The following DPP8 variants were observed in gnomAD, a reference collection of about 807,000 sequenced individuals.
DPP8 encodes the protein DPP VIII.
A neutral mutation model predicts 107.5 loss-of-function variants in DPP8; 31 were observed. That is an observed-to-expected ratio of 0.29 (90% CI 0.22 to 0.39). DPP8 has a LOEUF of 0.39. Among genes scored for constraint, DPP8 ranks in the 10% least tolerant of loss-of-function variants. The pLI is 1.00. For missense variants in DPP8, 842 were observed against 1,076.1 expected (o/e 0.78, Z 3.04); for synonymous variants, 381 against 356.6 (o/e 1.07, Z -0.77).
intron 5 of DPP8, among the ~76,000 whole-genome samples, chr15:65,492,644 A>G (rs2068156619): frequency 6.6e-6 from 1 of 152,064 alleles, no homozygotes; most frequent in South Asian, 2.1e-4. Flanking sequence ...CACCAAGGGT[A>G]GAGCGCAGGG....
rs1052230672 is a variant in DPP8 at position 65,445,353 on chromosome 15, G to C, written c.*1531C>G. The stretch of plus-strand genomic sequence containing the variant: ...TAACTTTCTAAACACTGAAGTGTGT[G>C]ATAAAAAGCATCAAACTCATAGATG... On this transcript the variant is annotated 3_prime_UTR_variant, in exon 20 of 20. Coordinates refer to ENST00000300141, the MANE Select transcript of DPP8 (RefSeq NM_130434.5). 6.6e-6 allele frequency: 1 copy of C among 152,222 alleles called. No homozygotes were observed. Among genetic ancestry groups the C allele is most frequent in the Non-Finnish European group, 1.5e-5 (1 of 68,034 alleles). 9.4% of individuals were successfully genotyped at this position (152,222 alleles called of 1,614,324 possible). A position where few individuals can be genotyped will look rare whatever the true frequency, so the allele number is the denominator to read the frequency against.
intron 12 of DPP8, among the ~76,000 whole-genome samples, chr15:65,467,717 G>C (rs1158314297): frequency 6.6e-6 from 1 of 152,106 alleles, no homozygotes; most frequent in Non-Finnish European, 1.5e-5. Context: ...TGCCCTGAAG[G>C]AAAAAGGACA....
At chr15:65,488,643 C>G (rs375606804) in intron 6 of DPP8, among the ~76,000 whole-genome samples, 4 of 115,502 alleles carry the variant, frequency 3.5e-5, no homozygotes, top group African/African-American at 1.3e-4. Context: ...AAAACAAAAA[C>G]AAAACAGCAT....
intron 16 of DPP8, 124 bp from the exon 17 acceptor site, chr15:65,454,539 T>C (rs2064240318): frequency 1.2e-6 from 1 of 860,246 alleles, no homozygotes; most frequent in African/African-American, 1.8e-5. Context: ...ATTTTATTTA[T>C]TTTTTGAGAT....
Position 65,487,828 on chromosome 15 carries a change from A to G in DPP8, c.827-10T>C. The G allele has an allele frequency of 6.7e-7, 1 of 1,497,692 alleles. No homozygotes were observed. The highest frequency in any genetic ancestry group is 9.2e-7 in the Non-Finnish European group (1 of 1,091,506). 92.8% of individuals were successfully genotyped at this position (1,497,692 alleles called of 1,614,324 possible). ...TTACCACCACTGGGAGCTTAAAAGA[A>G]ATTTAAATATTGAAAATTTAGAAGA... On this transcript the variant is annotated splice_polypyrimidine_tract_variant and intron_variant, in intron 6 of 19. Coordinates refer to ENST00000300141, the MANE Select transcript of DPP8 (RefSeq NM_130434.5).
intron 3 of DPP8, among the ~76,000 whole-genome samples, chr15:65,504,583 C>A (rs961728697): frequency 8.1e-5 from 12 of 148,232 alleles, no homozygotes; most frequent in African/African-American, 2.8e-4. Context: ...GCAGGAGAAT[C>A]GCTTGAACCT....
intron 4 of DPP8, among the ~76,000 whole-genome samples, chr15:65,498,279 G>T (rs1286364446): frequency 6.6e-6 from 1 of 152,070 alleles, no homozygotes; most frequent in Non-Finnish European, 1.5e-5. Flanking sequence ...AAAATTAGCT[G>T]GGCATAGTGG....
In DPP8 at chr15:65,443,929, T is replaced by TATTG. The variant is rs1291922042; in HGVS notation, c.*2954_*2955insCAAT. On this transcript the variant is annotated 3_prime_UTR_variant, in exon 20 of 20. Coordinates refer to ENST00000300141, the MANE Select transcript of DPP8 (RefSeq NM_130434.5). ...GAATACAAATTTTTATTTATTTATT[T>TATTG]ATTTTGAGGCAGAATCTCACTCTGT... 1 of 152,212 alleles carries TATTG rather than the reference T, an allele frequency of 6.6e-6. No homozygotes were observed. The highest frequency in any genetic ancestry group is 1.5e-5 in the Non-Finnish European group (1 of 68,044). The allele number at this position is 152,212 out of a possible 1,614,324, so 9.4% of individuals were successfully genotyped here. A position where few individuals can be genotyped will look rare whatever the true frequency, so the allele number is the denominator to read the frequency against.
At chr15:65,455,869 G>C (rs1465168532) in intron 16 of DPP8, 6 of 1,293,424 alleles carry the variant, frequency 4.6e-6, no homozygotes, top group African/African-American at 1.5e-5. Flanking sequence ...CTTGTCACAA[G>C]GAAGGCACTA....
intron 3 of DPP8, among the ~76,000 whole-genome samples, chr15:65,505,705 C>T (rs998276730): frequency 6.6e-6 from 1 of 151,928 alleles, no homozygotes; most frequent in African/African-American, 2.4e-5. Context: ...AATCCCAGCA[C>T]GTTGGGAAGC....
At chr15:65,455,999 AG>A (rs2064380449) in intron 16 of DPP8, among the ~76,000 whole-genome samples, 1 of 152,174 alleles carries the variant, frequency 6.6e-6, no homozygotes, top group South Asian at 2.1e-4. Context: ...CAAAACAGAG[AG>A]GATATTTCTA....
At chr15:65,496,097 C>T (rs1206553160) in intron 5 of DPP8, among the ~76,000 whole-genome samples, 1 of 151,818 alleles carries the variant, frequency 6.6e-6, no homozygotes, top group Non-Finnish European at 1.5e-5. Context: ...CATTCTCCTG[C>T]CTTGGCCTCC....
chr15:65,509,276 CTTCA>C (rs2070457310), intron 2 of DPP8, among the ~76,000 whole-genome samples: 1 of 152,128 alleles, frequency 6.6e-6, no homozygotes, highest in Non-Finnish European at 1.5e-5. Context: ...TTCTAAGAGC[CTTCA>C]GTCTTCAAAT....
chr15:65,494,955 A>C (rs2068433411), intron 5 of DPP8, among the ~76,000 whole-genome samples: 1 of 152,250 alleles, frequency 6.6e-6, no homozygotes, highest in East Asian at 1.9e-4. Context: ...ATCCAGAACA[A>C]CTTATCGACA....
In DPP8 at chr15:65,466,013, G is replaced by C. The variant is rs563714103; in HGVS notation, c.1825+665C>G. Among the ~76,000 whole-genome samples the C allele has an allele frequency of 2.0e-5, 3 of 152,310 alleles. No homozygotes were observed. The East Asian group carries it at 5.8e-4, about 29-fold the overall frequency. ...CAGCTGGTTATTCTCCAAAGTTGCA[G>C]CTTCCTTGCTCAAAGAGTCTTACTA... On this transcript the variant is annotated intron_variant, in intron 14 of 19. Coordinates refer to ENST00000300141, the MANE Select transcript of DPP8 (RefSeq NM_130434.5).
At chr15:65,485,239 A>G (rs1596002591) in intron 7 of DPP8, 79 bp from the exon 8 acceptor site, 1 of 1,102,614 alleles carries the variant, frequency 9.1e-7, no homozygotes, top group East Asian at 2.4e-5. Flanking sequence ...TCCTCTTTAC[A>G]CTTTAGTTAA....
chr15:65,466,834 T>A (rs1472773342), intron 13 of DPP8, 21 bp from the exon 14 acceptor site: 3 of 1,602,078 alleles, frequency 1.9e-6, no homozygotes, highest in South Asian at 2.2e-5. Flanking sequence ...GAGAAACAAT[T>A]ATATTTTTCG....
chr15:65,487,032 G>A (rs931371236), intron 7 of DPP8, among the ~76,000 whole-genome samples: 20 of 151,988 alleles, frequency 1.3e-4, no homozygotes, highest in African/African-American at 4.6e-4. Flanking sequence ...ATGAAATAAA[G>A]TGAAAAGTGA....
chr15:65,474,137 C>T (rs1340474122), intron 12 of DPP8, 72 bp downstream of exon 12: 3 of 1,116,654 alleles, frequency 2.7e-6, no homozygotes, highest in African/African-American at 1.5e-5. Context: ...TATTAAATTA[C>T]ATTACTCATT....
Sources: allele counts gnomAD v4.1 joint callset (sites outside exome capture counted in the v4.1 genomes callset), GRCh38; gene constraint gnomAD v4.1.1; transcripts MANE v1.5; gene names NCBI Gene and HGNC (gene_info 2026-07-23, HGNC 2026-07-21).